The following PIK3CB variants were observed in gnomAD, a reference collection of about 807,000 sequenced individuals.
The protein encoded by PIK3CB is phosphatidylinositol 4,5-bisphosphate 3-kinase catalytic subunit beta isoform.
Under a neutral mutation model 136.8 loss-of-function variants are expected in PIK3CB, and 39 were observed. That is an observed-to-expected ratio of 0.29 (90% CI 0.22 to 0.37). PIK3CB has a LOEUF of 0.37. PIK3CB is among the 10% of genes least tolerant of loss of function. PIK3CB has a pLI of 1.00. For missense variants in PIK3CB, 868 were observed against 1,275.4 expected, an observed-to-expected ratio of 0.68 and a Z score of 4.87; for synonymous variants, 428 against 436.6, an observed-to-expected ratio of 0.98 and a Z score of 0.25.
In PIK3CB at chr3:138,656,174, G is replaced by C; in HGVS notation, c.3043C>G (p.Leu1015Val). The change falls in exon 23 of 24, where the codon CTC becomes GTC. Residue 1015 changes from leucine to valine, a missense_variant. Leu to Val is a conservative substitution (Grantham distance 32, BLOSUM62 1). Around this residue, in one of 4 missense-constraint regions of PIK3CB, gnomAD observed 88 missense variants for 147.8 expected, o/e 0.60. Coordinates refer to ENST00000674063, the MANE Select transcript of PIK3CB (RefSeq NM_006219.3). Reference protein sequence around the residue: ...ALMLTAGLPELTSVKDIQYLK... With the variant: ...ALMLTAGLPEVTSVKDIQYLK... ...TACTGTATATCTTTGACTGATGTGA[G>C]TTCAGGAAGCCCTGCAGTCAACATC... 1.9e-6 allele frequency: 3 copies of C among 1,614,144 alleles called. No homozygotes were observed. The highest frequency in any genetic ancestry group is 2.5e-6 in the Non-Finnish European group (3 of 1,179,998).
intron 1 of PIK3CB, among the ~76,000 whole-genome samples, chr3:138,832,615 T>C (rs1046303945): frequency 3.3e-5 from 5 of 151,420 alleles, no homozygotes; most frequent in African/African-American, 9.7e-5. Context: ...ATACCTGAGG[T>C]TGGGAGTCCG....
rs909558769 is a variant in PIK3CB at position 138,714,245 on chromosome 3, T to C, written c.1302+223A>G. Among the ~76,000 whole-genome samples the C allele has an allele frequency of 2.0e-5, 3 of 152,048 alleles. No homozygotes were observed. In the South Asian group the frequency reaches 6.2e-4, roughly 32 times the overall value. ...AAACCTGCCAAAAGAAAATCCATGG[T>C]AGAAGGAGCAAGATTACAAAAAAAA... On this transcript the variant is annotated intron_variant, in intron 9 of 23. Coordinates refer to ENST00000674063, the MANE Select transcript of PIK3CB (RefSeq NM_006219.3).
chr3:138,715,853 G>T (rs1016947631), intron 8 of PIK3CB, among the ~76,000 whole-genome samples: 24 of 151,708 alleles, frequency 1.6e-4, no homozygotes, highest in Non-Finnish European at 1.0e-4. Flanking sequence ...GTAAAAAAAA[G>T]ATGACTGACT....
chr3:138,693,709 A>C (rs778621340), intron 14 of PIK3CB, among the ~76,000 whole-genome samples: 3 of 151,950 alleles, frequency 2.0e-5, no homozygotes, highest in East Asian at 3.9e-4. Flanking sequence ...CATCTGGCCA[A>C]ATTTTTAAAA....
chr3:138,825,120 G>A lies in PIK3CB; in HGVS notation c.-122+9575C>T, dbSNP rs55718096. 1.0e-5 allele frequency: 3 copies of A among 290,868 alleles called. No homozygotes were observed. The Admixed American group carries it at 1.2e-4, about 11-fold the overall frequency. 18.0% of individuals were successfully genotyped at this position (290,868 alleles called of 1,614,324 possible). On this transcript the variant is annotated intron_variant, in intron 1 of 23. Coordinates refer to ENST00000674063, the MANE Select transcript of PIK3CB (RefSeq NM_006219.3). Reference sequence around the variant, plus strand: ...AAAGGACTCCTTCAAGTATGCCTGGGTCTTGGATAAACTGAAAGCTGAGCA... The same window carrying A: ...AAAGGACTCCTTCAAGTATGCCTGGATCTTGGATAAACTGAAAGCTGAGCA...
intron 1 of PIK3CB, among the ~76,000 whole-genome samples, chr3:138,829,466 CAT>C (rs1178014334): frequency 6.6e-6 from 1 of 152,060 alleles, no homozygotes; most frequent in Non-Finnish European, 1.5e-5. Context: ...TGAAAATAAA[CAT>C]ATGTGGGATA....
intron 2 of PIK3CB, among the ~76,000 whole-genome samples, chr3:138,768,662 A>G (rs2045763639): frequency 6.6e-6 from 1 of 152,132 alleles, no homozygotes; most frequent in South Asian, 2.1e-4. Flanking sequence ...TACCGCCTAC[A>G]GGTCAGCGCC....
intron 1 of PIK3CB, among the ~76,000 whole-genome samples, chr3:138,798,412 G>A (rs1218224335): frequency 6.6e-6 from 1 of 152,060 alleles, no homozygotes; most frequent in South Asian, 2.1e-4. Flanking sequence ...ATCCACCCAC[G>A]TCAGCCTCCC....
intron 13 of PIK3CB, among the ~76,000 whole-genome samples, chr3:138,697,534 C>T (rs1029374659): frequency 2.6e-5 from 4 of 152,034 alleles, no homozygotes; most frequent in East Asian, 1.9e-4. Flanking sequence ...CTCCCGGGCT[C>T]GAATGATCCT....
At chr3:138,766,607 T>G (rs1331461289) in intron 2 of PIK3CB, among the ~76,000 whole-genome samples, 1 of 152,134 alleles carries the variant, frequency 6.6e-6, no homozygotes, top group Non-Finnish European at 1.5e-5. Flanking sequence ...TGCCCATGCT[T>G]AAAAATAGAA....
At chr3:138,821,299 A>G (rs1309245745) in intron 1 of PIK3CB, among the ~76,000 whole-genome samples, 1 of 148,928 alleles carries the variant, frequency 6.7e-6, no homozygotes, top group Non-Finnish European at 1.5e-5. Flanking sequence ...AAAAACAAAA[A>G]ACAAAAAAAA....
intron 2 of PIK3CB, among the ~76,000 whole-genome samples, chr3:138,774,630 A>G (rs935813235): frequency 6.6e-6 from 1 of 152,222 alleles, no homozygotes; most frequent in East Asian, 1.9e-4. Flanking sequence ...GAGTACCCAC[A>G]TGTAATTGCA....
chr3:138,752,338 G>T (rs1008273304), intron 4 of PIK3CB, among the ~76,000 whole-genome samples: 2 of 152,178 alleles, frequency 1.3e-5, no homozygotes, highest in Non-Finnish European at 2.9e-5. Flanking sequence ...TGGCAACCTT[G>T]TTCCTAAAGT....
At chr3:138,740,786 G>A (rs1042221633) in intron 5 of PIK3CB, among the ~76,000 whole-genome samples, 3 of 151,992 alleles carry the variant, frequency 2.0e-5, no homozygotes, top group Non-Finnish European at 4.4e-5. Context: ...CTGGGTAGCT[G>A]GGACTACAGA....
intron 14 of PIK3CB, among the ~76,000 whole-genome samples, chr3:138,693,958 TATATATATTA>T (rs1445229417): frequency 1.1e-3 from 36 of 34,018 alleles, no homozygotes; most frequent in African/African-American, 6.8e-3. Flanking sequence ...TATATATATA[TATATATATTA>T]TATATATATA....
intron 21 of PIK3CB, among the ~76,000 whole-genome samples, chr3:138,661,936 C>A (rs1488421191): frequency 6.6e-6 from 1 of 152,046 alleles, no homozygotes; most frequent in Admixed American, 6.6e-5. Context: ...ATGAAATTTT[C>A]ATTTGAAAAC....
chr3:138,814,365 C>G (rs962617444), intron 1 of PIK3CB, among the ~76,000 whole-genome samples: 1 of 151,678 alleles, frequency 6.6e-6, no homozygotes, highest in Non-Finnish European at 1.5e-5. Context: ...ATAATCCCAG[C>G]TACTAGGGAG....
At chr3:138,663,789 G>T in intron 21 of PIK3CB, 117 bp downstream of exon 21, 3 of 991,800 alleles carry the variant, frequency 3.0e-6, no homozygotes, top group Non-Finnish European at 4.5e-6. Flanking sequence ...TTGAAGTAAA[G>T]ACAAAGATAT....
chr3:138,775,808 G>A (rs1213125400), intron 2 of PIK3CB, among the ~76,000 whole-genome samples: 1 of 152,104 alleles, frequency 6.6e-6, no homozygotes, highest in Non-Finnish European at 1.5e-5. Context: ...GACAGCTTTT[G>A]GATACTGTCC....
Sources: gnomAD v4.1 joint callset for allele counts (sites outside exome capture counted in the v4.1 genomes callset) on GRCh38, gnomAD v4.1.1 for gene constraint, gnomAD v4.1.1 regional missense constraint, MANE v1.5 for transcripts, NCBI Gene and HGNC (gene_info 2026-07-23, HGNC 2026-07-21) for gene names.